DMXL2: variants seen among roughly 807,000 people sequenced by gnomAD.
The protein encoded by DMXL2 is dmX-like protein 2.
Under a neutral mutation model 331.1 loss-of-function variants are expected in DMXL2, and 103 were observed. The ratio of observed to expected loss-of-function variants is 0.31; its 90% confidence interval spans 0.27 to 0.37. The LOEUF (loss-of-function observed/expected upper bound fraction) is 0.37, where lower values mean the gene tolerates loss of function less well. Ranked by LOEUF, DMXL2 falls within the 10% of genes least tolerant of loss-of-function variation. DMXL2 has a pLI of 1.00. For synonymous variants in DMXL2, 1,281 were observed against 1,252.1 expected, an observed-to-expected ratio of 1.02 and a Z score of -0.49; for missense variants, 3,171 against 3,642.9, an observed-to-expected ratio of 0.87 and a Z score of 3.33.
At chr15:51,580,901 A>G (rs1233885078) in intron 1 of DMXL2, among the ~76,000 whole-genome samples, 1 of 151,280 alleles carries the variant, frequency 6.6e-6, no homozygotes, top group Non-Finnish European at 1.5e-5. Context: ...TGCTTTGAAC[A>G]TTGAAACTAA....
intron 1 of DMXL2, among the ~76,000 whole-genome samples, chr15:51,599,405 T>C (rs2053066487): frequency 6.6e-6 from 1 of 152,314 alleles, no homozygotes; most frequent in African/African-American, 2.4e-5. Context: ...TGTGTGTGTA[T>C]GTTTATGTAT....
chr15:51,452,627 A>C (rs1344039895), intron 41 of DMXL2, among the ~76,000 whole-genome samples: 1 of 152,152 alleles, frequency 6.6e-6, no homozygotes, highest in Admixed American at 6.5e-5. Context: ...AAAAGGGGAC[A>C]CCTCACTGCT....
chr15:51,581,849 T>C (rs1462185102), intron 1 of DMXL2, among the ~76,000 whole-genome samples: 9 of 152,138 alleles, frequency 5.9e-5, no homozygotes, highest in Non-Finnish European at 7.4e-5. Context: ...TTTGAGATCA[T>C]TGACAACTAC....
At chr15:51,460,871 A>C (rs1458601283) in intron 33 of DMXL2, among the ~76,000 whole-genome samples, 1 of 152,194 alleles carries the variant, frequency 6.6e-6, no homozygotes, top group African/African-American at 2.4e-5. Flanking sequence ...TCAAAACAGC[A>C]ATCACTAACC....
chr15:51,564,110 GA>G lies in DMXL2; in HGVS notation c.500+14del. On this transcript the variant is annotated intron_variant, in intron 5 of 43. Coordinates refer to ENST00000560891, the MANE Select transcript of DMXL2 (RefSeq NM_001378457.1). ...CTTTTAATTAATGAATATAACAATA[GA>G]AATAGACACTAACTTGCACTGCCAG... 1 of 1,582,906 alleles carries G rather than the reference GA, an allele frequency of 6.3e-7. No individual in the cohort carries two copies. The highest frequency in any genetic ancestry group is 8.6e-7 in the Non-Finnish European group (1 of 1,169,508).
chr15:51,453,609 G>A lies in DMXL2; in HGVS notation c.8637C>T (p.Asp2879=). 8.7e-6 allele frequency: 14 copies of A among 1,613,774 alleles called. No homozygotes were observed. Among genetic ancestry groups the A allele is most frequent in the Non-Finnish European group, 1.1e-5 (13 of 1,179,886 alleles). The change falls in exon 41 of 44, where the codon GAC becomes GAT. Residue 2879 remains aspartate (D), a synonymous_variant. Transcript: ENST00000560891. ...SWQCHSKATS[D]FAFITSSSLV... Reference sequence around the variant, plus strand: ...GACTTGAAGAGGTAATAAATGCAAAGTCACTTGTGGCTTTACTGTGGCACT... The same window carrying A: ...GACTTGAAGAGGTAATAAATGCAAAATCACTTGTGGCTTTACTGTGGCACT...
chr15:51,503,110 ATTAT>A (rs777929008), intron 16 of DMXL2, 77 bp from the exon 17 acceptor site: 29 of 1,007,152 alleles, frequency 2.9e-5, no homozygotes, highest in Non-Finnish European at 4.2e-5. Context: ...TTACTTTGTT[ATTAT>A]TTAAGAAACA....
chr15:51,480,819 T>A lies in DMXL2; in HGVS notation c.6287A>T (p.Glu2096Val), dbSNP rs753148362. 1.2e-6 allele frequency: 2 copies of A among 1,611,882 alleles called. No homozygotes were observed. Among genetic ancestry groups the A allele is most frequent in the East Asian group, 4.5e-5 (2 of 44,872 alleles). The change falls in exon 24 of 44, where the codon GAG becomes GTG. Residue 2096 changes from glutamate (E) to valine (V), a missense_variant. Transcript: ENST00000560891. ...TTTGGAATATGTCTTACTGGAATAC[T>A]CTTTAATAACTGATTCATGATTACA... ...EICNHESVIK[E>V]YSSKTYSKVE...
At chr15:51,518,278 A>G (rs888695161) in intron 13 of DMXL2, among the ~76,000 whole-genome samples, 3 of 152,144 alleles carry the variant, frequency 2.0e-5, no homozygotes, top group African/African-American at 7.2e-5. Flanking sequence ...GGTTGCAGTG[A>G]GCCGAGATTG....
In DMXL2 at chr15:51,450,256, C is replaced by T; in HGVS notation, c.8840G>A (p.Cys2947Tyr). 1.2e-6 allele frequency: 2 copies of T among 1,614,074 alleles called. No homozygotes were observed. Among genetic ancestry groups the T allele is most frequent in the Non-Finnish European group, 1.7e-6 (2 of 1,179,996 alleles). ...CTGCCTTTGCCTGATGTCAAAAATG[C>T]AGACGTGTCCTTTCCTACCCCCCGA... is the stretch of plus-strand genomic sequence containing the variant. The part of the protein sequence containing the change: ...LISGGRKGHV[C>Y]IFDIRQRQLI... Residue 2947 changes from cysteine (C) to tyrosine (Y), a missense_variant, in exon 43 of 44, where the codon TGC becomes TAC. Cys to Tyr is a radical substitution (Grantham distance 194, BLOSUM62 -2). Coordinates refer to ENST00000560891, the MANE Select transcript of DMXL2 (RefSeq NM_001378457.1).
In DMXL2 at chr15:51,458,631, T is replaced by C. The variant is rs769810365; in HGVS notation, c.8077-4A>G. 6 of 1,613,868 alleles carry C rather than the reference T, an allele frequency of 3.7e-6. No individual in the cohort carries two copies. The Admixed American group carries it at 6.7e-5, about 18-fold the overall frequency. On this transcript the variant is annotated splice_region_variant and splice_polypyrimidine_tract_variant and intron_variant, in intron 35 of 43. Transcript: ENST00000560891. ...AAACAATTTCATTACAATTTGCCTATAAAGCAAAGGCAGAATCGATGATTT... is the reference window on the plus strand; with the variant it reads ...AAACAATTTCATTACAATTTGCCTACAAAGCAAAGGCAGAATCGATGATTT...
rs1386329372 is a variant in DMXL2, at chr15:51,480,637, C to T, written c.6469G>A (p.Val2157Ile). The T allele has an allele frequency of 6.2e-7, 1 of 1,611,764 alleles. No individual in the cohort carries two copies. Among genetic ancestry groups the T allele is most frequent in the African/African-American group, 1.3e-5 (1 of 74,888 alleles). ...WLQKNQDLLR[V>I]FLSYCSLHGA... ...TGAAGGCTACAGTAGCTGAGAAATACTCTCAGGAGATCTTGGTTTTTCTGC... is the reference window on the plus strand; with the variant it reads ...TGAAGGCTACAGTAGCTGAGAAATATTCTCAGGAGATCTTGGTTTTTCTGC... Residue 2157 changes from valine to isoleucine, a missense_variant, in exon 24 of 44, where the codon GTA (valine) becomes ATA (isoleucine). By Grantham distance (29) the Val-to-Ile change is conservative. This residue lies in a region of DMXL2 where 197 missense variants were observed against 196.2 expected (regional missense o/e 1.00). Coordinates refer to ENST00000560891, the MANE Select transcript of DMXL2 (RefSeq NM_001378457.1).
Position 51,537,582 on chromosome 15 carries a change from A to T in DMXL2, c.1523T>A (p.Met508Lys), listed in dbSNP as rs778346881. 6.8e-6 allele frequency: 11 copies of T among 1,613,918 alleles called. No homozygotes were observed. The East Asian group carries it at 1.8e-4, about 26-fold the overall frequency. The change falls in exon 11 of 44, where the codon ATG (methionine) becomes AAG (lysine). Residue 508 changes from methionine (M) to lysine (K), a missense_variant. This residue lies in a region of DMXL2 where 1,674 missense variants were observed against 1,780.2 expected (regional missense o/e 0.94). Coordinates refer to ENST00000560891, the MANE Select transcript of DMXL2 (RefSeq NM_001378457.1). The part of the protein sequence containing the change: ...LLTEWNKNPD[M>K]LFTIHPVDGT... ...ATCTACAGGGTGTATTGTAAAAAGC[A>T]TATCAGGATTCTTATTCCATTCAGT... is the stretch of plus-strand genomic sequence containing the variant.
chr15:51,536,694 A>G lies in DMXL2; in HGVS notation c.1786T>C (p.Ser596Pro), dbSNP rs1190406861. 6.2e-7 allele frequency: 1 copy of G among 1,614,050 alleles called. No homozygotes were observed. Among genetic ancestry groups the G allele is most frequent in the Non-Finnish European group, 8.5e-7 (1 of 1,179,994 alleles). Residue 596 changes from serine to proline, a missense_variant, in exon 12 of 44, where the codon TCT becomes CCT. This residue lies in a region of DMXL2 where 1,674 missense variants were observed against 1,780.2 expected (regional missense o/e 0.94). Coordinates refer to ENST00000560891, the MANE Select transcript of DMXL2 (RefSeq NM_001378457.1). ...VGSPHGSQPH[S>P]RSHSTHMNIL... ...TTCATATGTGTACTGTGGGATCTAG[A>G]GTGTGGCTGTGATCCGTGAGGACTG...
intron 15 of DMXL2, among the ~76,000 whole-genome samples, chr15:51,509,342 C>G (rs2046611285): frequency 6.6e-6 from 1 of 151,908 alleles, no homozygotes; most frequent in Non-Finnish European, 1.5e-5. Flanking sequence ...AGAAAAGAAT[C>G]AAACAGACAC....
chr15:51,590,493 A>C (rs2052212879), intron 1 of DMXL2, among the ~76,000 whole-genome samples: 1 of 152,160 alleles, frequency 6.6e-6, no homozygotes, highest in African/African-American at 2.4e-5. Flanking sequence ...AGATTTGTCT[A>C]CTATTCTCTT....
intron 22 of DMXL2, 87 bp downstream of exon 22, chr15:51,487,865 CAT>C: frequency 8.5e-7 from 1 of 1,178,658 alleles, no homozygotes; most frequent in South Asian, 2.2e-5. Context: ...TCCTAACAAA[CAT>C]ATGACCAAAA....
At chr15:51,453,356 T>TA in intron 41 of DMXL2, 194 bp downstream of exon 41, 1 of 444,408 alleles carries the variant, frequency 2.3e-6, no homozygotes, top group Admixed American at 4.2e-5. Flanking sequence ...AAAAATTACA[T>TA]ATATTAGGAA....
chr15:51,575,681 A>G (rs1317212290), intron 2 of DMXL2, among the ~76,000 whole-genome samples: 2 of 152,186 alleles, frequency 1.3e-5, no homozygotes, highest in Non-Finnish European at 2.9e-5. Context: ...CAACTTGCAG[A>G]GTTTCTTAAT....
Sources: gnomAD v4.1 joint callset for allele counts (sites outside exome capture counted in the v4.1 genomes callset) on GRCh38, gnomAD v4.1.1 for gene constraint, gnomAD v4.1.1 regional missense constraint, MANE v1.5 for transcripts, NCBI Gene and HGNC (gene_info 2026-07-23, HGNC 2026-07-21) for gene names.